Variants in LRRIQ1 observed in about 807,000 individuals in gnomAD.
LRRIQ1 encodes the protein leucine-rich repeat- and IQ domain-containing protein 1.
A neutral mutation model predicts 211.9 loss-of-function variants in LRRIQ1; 210 were observed. The observed-to-expected ratio is 0.99, with a 90% confidence interval of 0.89 to 1.11. The LOEUF is 1.11. LRRIQ1 is among the 50% of genes most tolerant of loss of function. LRRIQ1 has a pLI of 0.00. For synonymous variants in LRRIQ1, 699 were observed against 650.1 expected, an observed-to-expected ratio of 1.08 and a Z score of -1.14; for missense variants, 2,136 against 1,939.5, an observed-to-expected ratio of 1.10 and a Z score of -1.90.
At chr12:85,051,309 CA>C (rs1880283525) in intron 6 of LRRIQ1, among the ~76,000 whole-genome samples, 1 of 152,070 alleles carries the variant, frequency 6.6e-6, no homozygotes, top group East Asian at 1.9e-4. Context: ...GTACAGCCAG[CA>C]AAATCGTGAA....
At chr12:85,267,813 A>G (rs1382304036), downstream of LRRIQ1, among the ~76,000 whole-genome samples, 1 of 152,062 alleles carries the variant, frequency 6.6e-6, no homozygotes, top group Non-Finnish European at 1.5e-5. Context: ...AAGTTAAAAG[A>G]ACTTTTGTTT....
chr12:85,267,620 G>A (rs1896451279), downstream of LRRIQ1, among the ~76,000 whole-genome samples: 1 of 151,962 alleles, frequency 6.6e-6, no homozygotes, highest in Admixed American at 6.6e-5. Flanking sequence ...GACTTAGTAA[G>A]GGTGAATCTC....
chr12:85,181,474 A>G (rs1333700819), intron 24 of LRRIQ1, among the ~76,000 whole-genome samples: 1 of 151,964 alleles, frequency 6.6e-6, no homozygotes, highest in Non-Finnish European at 1.5e-5. Flanking sequence ...GGTTCTTTGT[A>G]CCAATGACCT....
At chr12:85,065,466 T>C (rs767860734) in intron 9 of LRRIQ1, 52 bp downstream of exon 9, 5 of 1,373,474 alleles carry the variant, frequency 3.6e-6, no homozygotes, top group Non-Finnish European at 3.9e-6. Context: ...ATAAAATGGA[T>C]TTATGTTTAC....
chr12:85,208,428 A>G (rs926033386), intron 24 of LRRIQ1, among the ~76,000 whole-genome samples: 2 of 152,112 alleles, frequency 1.3e-5, no homozygotes, highest in African/African-American at 4.8e-5. Flanking sequence ...ATAGAACATA[A>G]ATTAACTAAA....
At chr12:85,083,130 G>T (rs1884469072) in intron 11 of LRRIQ1, among the ~76,000 whole-genome samples, 1 of 152,192 alleles carries the variant, frequency 6.6e-6, no homozygotes, top group Non-Finnish European at 1.5e-5. Context: ...GTGTGGGATT[G>T]TAGGTTATAC....
At chr12:85,229,705 G>A in intron 25 of LRRIQ1, 56 bp downstream of exon 25, 1 of 1,542,098 alleles carries the variant, frequency 6.5e-7, no homozygotes, top group East Asian at 2.3e-5. Flanking sequence ...CTTGAAAATT[G>A]AAACCTAGGT....
chr12:85,220,898 C>G (rs972137944), intron 24 of LRRIQ1, among the ~76,000 whole-genome samples: 1 of 151,224 alleles, frequency 6.6e-6, no homozygotes, highest in African/African-American at 2.4e-5. Context: ...AACCCCTCCC[C>G]CCAGGTTCAA....
chr12:85,055,063 A>T (rs1006423883), intron 7 of LRRIQ1, among the ~76,000 whole-genome samples: 1 of 152,120 alleles, frequency 6.6e-6, no homozygotes, highest in Non-Finnish European at 1.5e-5. Flanking sequence ...TATTGTTTGT[A>T]TGTAGGGACT....
chr12:85,142,673 C>T (rs941754945), intron 19 of LRRIQ1, among the ~76,000 whole-genome samples: 1 of 151,510 alleles, frequency 6.6e-6, no homozygotes, highest in Non-Finnish European at 1.5e-5. Context: ...CTCTCTACTT[C>T]TGTGATATTA....
Position 85,056,927 on chromosome 12 carries a change from T to C in LRRIQ1, c.2134T>C (p.Ser712Pro), listed in dbSNP as rs1881170084. The C allele has an allele frequency of 1.2e-6, 2 of 1,612,918 alleles. No homozygotes were observed. The highest frequency in any genetic ancestry group is 1.7e-6 in the Non-Finnish European group (2 of 1,179,374). ...TCTTAAATCTGAGATTAGAAATATT[T>C]CAGAAAAATGCCATGAAAATGCACC... ...NSLKSEIRNI[S>P]EKCHENAPEP... The change falls in exon 8 of 27, where the codon TCA becomes CCA. Residue 712 changes from serine (S) to proline (P), a missense_variant. Physicochemically the swap from Ser to Pro is moderately conservative, Grantham distance 74. Transcript: ENST00000393217.
intron 24 of LRRIQ1, among the ~76,000 whole-genome samples, chr12:85,204,098 T>G (rs1473511453): frequency 6.6e-6 from 1 of 152,154 alleles, no homozygotes; most frequent in Non-Finnish European, 1.5e-5. Context: ...GCTGCTTCAT[T>G]GTCCCATGGC....
chr12:85,210,264 T>C (rs1336527108), intron 24 of LRRIQ1, among the ~76,000 whole-genome samples: 1 of 152,190 alleles, frequency 6.6e-6, no homozygotes, highest in African/African-American at 2.4e-5. Context: ...GTAAGTACAT[T>C]CTGAAGAATA....
At chr12:85,100,592 A>G (rs774911337) in intron 13 of LRRIQ1, among the ~76,000 whole-genome samples, 4 of 151,792 alleles carry the variant, frequency 2.6e-5, no homozygotes, top group Non-Finnish European at 4.4e-5. Flanking sequence ...AAACTCATCT[A>G]TACCAAAAAG....
chr12:85,047,604 C>G (rs1191516172), intron 6 of LRRIQ1, 134 bp downstream of exon 6: 1 of 695,124 alleles, frequency 1.4e-6, no homozygotes, highest in Non-Finnish European at 2.4e-6. Context: ...AAGAAATTGA[C>G]TGTGAATTAA....
intron 8 of LRRIQ1, among the ~76,000 whole-genome samples, chr12:85,059,020 T>C (rs938907044): frequency 1.3e-5 from 2 of 151,994 alleles, no homozygotes; most frequent in Admixed American, 1.3e-4. Context: ...ATATCATCTT[T>C]TGTTACCAGA....
chr12:85,173,689 CTCT>C (rs989006182), intron 24 of LRRIQ1, among the ~76,000 whole-genome samples: 17 of 152,106 alleles, frequency 1.1e-4, no homozygotes, highest in African/African-American at 3.9e-4. Flanking sequence ...AGAGGTCTTT[CTCT>C]TCTTCTTCTT....
intron 26 of LRRIQ1, among the ~76,000 whole-genome samples, chr12:85,242,372 A>G (rs950415482): frequency 3.3e-5 from 5 of 151,954 alleles, no homozygotes; most frequent in Non-Finnish European, 5.9e-5. Context: ...AATAGAGTAT[A>G]ACAACTATTT....
At chr12:85,148,535 T>C (rs1191095059) in intron 19 of LRRIQ1, among the ~76,000 whole-genome samples, 2 of 152,038 alleles carry the variant, frequency 1.3e-5, no homozygotes, top group African/African-American at 4.8e-5. Context: ...CATCTTTTCT[T>C]TATCTAGTCT....
Sources: allele counts gnomAD v4.1 joint callset (sites outside exome capture counted in the v4.1 genomes callset), GRCh38; gene constraint gnomAD v4.1.1; transcripts MANE v1.5; gene names NCBI Gene and HGNC (gene_info 2026-07-23, HGNC 2026-07-21).